The following CCDC77 variants were observed in gnomAD, a reference collection of about 807,000 sequenced individuals.
CCDC77 encodes the protein coiled-coil domain containing 77.
A neutral mutation model predicts 66.8 loss-of-function variants in CCDC77; 56 were observed. That is an observed-to-expected ratio of 0.84 (90% CI 0.68 to 1.05). The LOEUF is 1.05. Ranked by LOEUF, CCDC77 falls within the 50% of genes least tolerant of loss-of-function variation. CCDC77 has a pLI of 0.00. For synonymous variants in CCDC77, 196 were observed against 195.2 expected, an observed-to-expected ratio of 1.00 and a Z score of -0.03; for missense variants, 570 against 576.8, an observed-to-expected ratio of 0.99 and a Z score of 0.12.
At chr12:433,123 G>T in intron 8 of CCDC77, 51 bp from the exon 9 acceptor site, 1 of 1,558,946 alleles carries the variant, frequency 6.4e-7, no homozygotes. Flanking sequence ...CTAGAGGTAT[G>T]AAGTAAGTGG....
At chr12:419,182 G>C (rs1181899779) in intron 5 of CCDC77, among the ~76,000 whole-genome samples, 1 of 152,204 alleles carries the variant, frequency 6.6e-6, no homozygotes. Context: ...GGTAACAGAA[G>C]CCTTAACCAA....
chr12:410,405 T>G (rs1945083934), intron 3 of CCDC77, among the ~76,000 whole-genome samples: 1 of 152,052 alleles, frequency 6.6e-6, no homozygotes, highest in Non-Finnish European at 1.5e-5. Flanking sequence ...GTAGCTGGGA[T>G]TACACACGCG....
intron 4 of CCDC77, among the ~76,000 whole-genome samples, chr12:417,732 G>A (rs569373254): frequency 6.6e-6 from 1 of 152,152 alleles, no homozygotes; most frequent in African/African-American, 2.4e-5. Flanking sequence ...TGGCCAAAAT[G>A]GTGAAACCCC....
At position 438,303 on chromosome 12, in the gene CCDC77, C is replaced by G. The variant is rs371353783; in HGVS notation, c.822-32C>G. The stretch of plus-strand genomic sequence containing the variant: ...GCTTTCAGGTGTGCTGTGTGCGCAT[C>G]CTCATGTCTGCATTTATACTTTCTT... On this transcript the variant is annotated intron_variant, in intron 9 of 12. Transcript: ENST00000239830. The G allele has an allele frequency of 2.0e-6, 3 of 1,466,378 alleles. No homozygotes were observed. The African/African-American group carries it at 4.2e-5, about 21-fold the overall frequency. The allele number at this position is 1,466,378 out of a possible 1,614,324, so 90.8% of individuals were successfully genotyped here. A position where few individuals can be genotyped will look rare whatever the true frequency, so the allele number is the denominator to read the frequency against.
rs964988653 is a variant in CCDC77 at position 428,772 on chromosome 12, G to A, written c.417G>A (p.Glu139=). Residue 139 remains glutamate, a synonymous_variant, in exon 6 of 13, where the codon GAG becomes GAA. Transcript: ENST00000239830. ...TTGCTTTCCATGAGAATTGCAGGGA[G>A]CTAGAAGACAAGAAAAAGATTCAGA... ...YSENDRLRIR[E]LEDKKKIQNL... is the part of the protein sequence containing the mutation. 1.9e-6 allele frequency: 3 copies of A among 1,608,230 alleles called. No individual in the cohort carries two copies. The highest frequency in any genetic ancestry group is 2.6e-6 in the Non-Finnish European group (3 of 1,176,188).
intron 1 of CCDC77, among the ~76,000 whole-genome samples, chr12:394,332 A>T (rs749958702): frequency 3.3e-5 from 5 of 152,216 alleles, no homozygotes; most frequent in Non-Finnish European, 1.5e-5. Flanking sequence ...AAAGGTCCAG[A>T]TTTATCACAG....
At chr12:415,473 AAT>A (rs1267324178) in intron 4 of CCDC77, among the ~76,000 whole-genome samples, 3 of 147,622 alleles carry the variant, frequency 2.0e-5, no homozygotes, top group Non-Finnish European at 4.5e-5. Context: ...TTAACATAAT[AAT>A]ATGTTGATAT....
chr12:435,979 A>G (rs368639478), intron 9 of CCDC77, among the ~76,000 whole-genome samples: 11 of 152,178 alleles, frequency 7.2e-5, no homozygotes, highest in East Asian at 5.8e-4. Context: ...GTTTCAAGCA[A>G]TCCTCTCACC....
intron 10 of CCDC77, among the ~76,000 whole-genome samples, chr12:439,817 C>T (rs1332587402): frequency 1.3e-5 from 2 of 151,376 alleles, no homozygotes; most frequent in African/African-American, 4.9e-5. Context: ...TTATAAAATG[C>T]GGTATTAAGG....
At chr12:430,062 C>T (rs915203543) in intron 6 of CCDC77, among the ~76,000 whole-genome samples, 3 of 152,118 alleles carry the variant, frequency 2.0e-5, no homozygotes, top group Non-Finnish European at 2.9e-5. Flanking sequence ...GGTGCAATCT[C>T]GGCTCACCAC....
chr12:441,855 C>T lies in CCDC77; in HGVS notation c.1402C>T (p.Gln468Ter), dbSNP rs777601352. The T allele has an allele frequency of 6.2e-7, 1 of 1,612,124 alleles. No individual in the cohort carries two copies. The highest frequency in any genetic ancestry group is 1.3e-5 in the African/African-American group (1 of 74,284). ...RDSNRRAHKI[Q>*]GELKNLKSKV... Reference sequence around the variant, plus strand: ...CAGCAATAGACGGGCACATAAGATACAAGGAGAACTGAAGAATCTTAAGTC... The same window carrying T: ...CAGCAATAGACGGGCACATAAGATATAAGGAGAACTGAAGAATCTTAAGTC... Residue 468 changes from glutamine to a stop codon, truncating the protein, a stop_gained, in exon 13 of 13, where the codon CAA becomes TAA. Transcript: ENST00000239830. LOFTEE classifies it high-confidence loss of function.
chr12:416,802 A>G (rs909803987), intron 4 of CCDC77, among the ~76,000 whole-genome samples: 8 of 152,022 alleles, frequency 5.3e-5, no homozygotes, highest in Non-Finnish European at 8.8e-5. Flanking sequence ...TGCTATTTCT[A>G]TGAATTAGAA....
intron 5 of CCDC77, among the ~76,000 whole-genome samples, chr12:426,998 C>T (rs534840838): frequency 9.1e-4 from 138 of 152,252 alleles, no homozygotes; most frequent in African/African-American, 3.1e-3. Flanking sequence ...GTAATCCCAG[C>T]ACTTTGGGGT....
chr12:435,306 T>G (rs555321922), intron 9 of CCDC77, among the ~76,000 whole-genome samples: 13 of 151,858 alleles, frequency 8.6e-5, no homozygotes, highest in African/African-American at 2.9e-4. Context: ...TTTCATGGTA[T>G]CTCATGTATT....
intron 2 of CCDC77, 116 bp from the exon 3 acceptor site, chr12:409,252 C>A: frequency 2.9e-6 from 2 of 686,874 alleles, no homozygotes. Flanking sequence ...TTTAAAACAT[C>A]AGATTCTTTC....
In CCDC77 at chr12:428,852, A is replaced by T. The variant is rs1226952667; in HGVS notation, c.497A>T (p.Glu166Val). 2 of 1,608,164 alleles carry T rather than the reference A, an allele frequency of 1.2e-6. No homozygotes were observed. The highest frequency in any genetic ancestry group is 1.7e-6 in the Non-Finnish European group (2 of 1,175,398). The change falls in exon 6 of 13, where the codon GAG (glutamate) becomes GTG (valine). Residue 166 changes from glutamate to valine, a missense_variant. Coordinates refer to ENST00000239830, the MANE Select transcript of CCDC77 (RefSeq NM_032358.4). ...GGAGAAGTGACCTATTTTTGTAAGG[A>T]GCCTCCTCACAAAGTAAGTAATCTT... ...DAGEVTYFCKEPPHKVTILQK... is the reference protein window; with the variant it reads ...DAGEVTYFCKVPPHKVTILQK...
At chr12:407,008 G>C (rs1488169155) in intron 2 of CCDC77, among the ~76,000 whole-genome samples, 1 of 152,162 alleles carries the variant, frequency 6.6e-6, no homozygotes, top group Non-Finnish European at 1.5e-5. Flanking sequence ...CTGGGCAACA[G>C]ATAGCAGTGG....
At chr12:390,738 C>CACACACAT (rs886183337) in intron 1 of CCDC77, among the ~76,000 whole-genome samples, 20 of 146,524 alleles carry the variant, frequency 1.4e-4, no homozygotes, top group African/African-American at 4.8e-4. Flanking sequence ...TCTTTATAAA[C>CACACACAT]ACACACACAC....
intron 1 of CCDC77, among the ~76,000 whole-genome samples, chr12:390,427 A>G (rs2137514166): frequency 6.6e-6 from 1 of 152,300 alleles, no homozygotes; most frequent in South Asian, 2.1e-4. Context: ...TATGATCTAC[A>G]GAAGTTTTTG....
Sources: gnomAD v4.1 joint callset for allele counts (sites outside exome capture counted in the v4.1 genomes callset) on GRCh38, gnomAD v4.1.1 for gene constraint, MANE v1.5 for transcripts, NCBI Gene and HGNC (gene_info 2026-07-23, HGNC 2026-07-21) for gene names.